Variants in TBC1D5 observed in about 807,000 individuals in gnomAD.
The protein encoded by TBC1D5 is TBC1 domain family member 5.
Under a neutral mutation model 100.3 loss-of-function variants are expected in TBC1D5, and 75 were observed. The ratio of observed to expected loss-of-function variants is 0.75; its 90% CI spans 0.62 to 0.91. TBC1D5 has a LOEUF of 0.91. Among genes scored for constraint, TBC1D5 ranks in the 40% least tolerant of loss-of-function variants. The probability of loss-of-function intolerance (pLI) is 0.00; values close to 1 mark genes in which losing one functional copy is unlikely to be tolerated. For synonymous variants in TBC1D5, 323 were observed against 325.6 expected (o/e 0.99, Z 0.09); for missense variants, 910 against 942.4 (o/e 0.97, Z 0.45).
chr3:17,367,851 A>G (rs1195087163), intron 13 of TBC1D5, among the ~76,000 whole-genome samples: 1 of 151,364 alleles, frequency 6.6e-6, no homozygotes, highest in Non-Finnish European at 1.5e-5. Flanking sequence ...AGAGCAAGAC[A>G]CCCTCTCAAA....
At chr3:17,302,274 G>C (rs529083804) in intron 14 of TBC1D5, among the ~76,000 whole-genome samples, 2 of 130,812 alleles carry the variant, frequency 1.5e-5, no homozygotes, top group South Asian at 2.3e-4. Flanking sequence ...GTCTTCACAC[G>C]GCTTTCTTCT....
At chr3:17,707,545 T>C (rs747002366) in intron 1 of TBC1D5, among the ~76,000 whole-genome samples, 4 of 152,106 alleles carry the variant, frequency 2.6e-5, no homozygotes, top group Non-Finnish European at 4.4e-5. Flanking sequence ...AATGTCAAAA[T>C]AGAAGAAATC....
intron 15 of TBC1D5, among the ~76,000 whole-genome samples, chr3:17,263,550 T>C (rs746964665): frequency 1.3e-5 from 2 of 152,164 alleles, no homozygotes; most frequent in Non-Finnish European, 2.9e-5. Context: ...CAAGTATCAC[T>C]CAACTCTTTT....
intron 1 of TBC1D5, among the ~76,000 whole-genome samples, chr3:17,726,241 G>A (rs2076120616): frequency 6.6e-6 from 1 of 152,192 alleles, no homozygotes; most frequent in African/African-American, 2.4e-5. Flanking sequence ...CAATAATGGG[G>A]TTGTAGGTCA....
intron 13 of TBC1D5, among the ~76,000 whole-genome samples, chr3:17,351,585 G>A (rs1685371708): frequency 6.6e-6 from 1 of 152,026 alleles, no homozygotes; most frequent in African/African-American, 2.4e-5. Context: ...TTCAGCGGGT[G>A]GGGAGCAAGG....
At chr3:17,692,796 A>C (rs1478983567) in intron 1 of TBC1D5, among the ~76,000 whole-genome samples, 1 of 152,204 alleles carries the variant, frequency 6.6e-6, no homozygotes, top group Non-Finnish European at 1.5e-5. Flanking sequence ...TTGAGTACCA[A>C]TGGTCTAAAA....
At chr3:17,233,825 T>A in intron 17 of TBC1D5, 75 bp from the exon 18 acceptor site, 1 of 869,516 alleles carries the variant, frequency 1.2e-6, no homozygotes, top group South Asian at 1.6e-5. Context: ...TTATACTGAA[T>A]GTTCTAATAC....
chr3:17,551,616 T>A (rs114256065), intron 2 of TBC1D5, among the ~76,000 whole-genome samples: 1,682 of 152,232 alleles, frequency 0.011, 22 homozygotes, highest in African/African-American at 0.038. Context: ...ATGCTCTTAG[T>A]GTAATCGCAG....
At chr3:17,706,251 T>C in intron 1 of TBC1D5, 1 of 1,548,754 alleles carries the variant, frequency 6.5e-7, no homozygotes, top group South Asian at 1.2e-5. Flanking sequence ...TTGATATTTG[T>C]ACTTCTTCAC....
At chr3:17,698,018 T>G (rs979749107) in intron 1 of TBC1D5, among the ~76,000 whole-genome samples, 15 of 151,576 alleles carry the variant, frequency 9.9e-5, no homozygotes, top group Middle Eastern at 3.4e-3. Context: ...CCAATGACTT[T>G]CTTCACAGAA....
At chr3:17,265,260 A>AG (rs5846955) in intron 15 of TBC1D5, among the ~76,000 whole-genome samples, 75,678 of 151,944 alleles carry the variant, frequency 0.5, 19,672 homozygotes, top group African/African-American at 0.64. Context: ...AAACTGACAA[A>AG]TTCTATAGCA....
At chr3:17,394,991 G>C (rs952898001) in intron 8 of TBC1D5, among the ~76,000 whole-genome samples, 3 of 151,996 alleles carry the variant, frequency 2.0e-5, no homozygotes, top group East Asian at 3.9e-4. Context: ...CAATGAGTAG[G>C]ACTCAGCCCA....
intron 16 of TBC1D5, among the ~76,000 whole-genome samples, chr3:17,241,677 G>T (rs1158507666): frequency 1.3e-5 from 2 of 152,188 alleles, no homozygotes; most frequent in East Asian, 3.8e-4. Context: ...ATTCTGACCT[G>T]AATTCACTGT....
intron 3 of TBC1D5, among the ~76,000 whole-genome samples, chr3:17,473,249 A>G (rs574166343): frequency 3.9e-5 from 6 of 152,332 alleles, no homozygotes; most frequent in South Asian, 4.1e-4. Context: ...TGTGTCTATT[A>G]TAAGTTTTTT....
At chr3:17,391,553 G>A (rs953425150) in intron 8 of TBC1D5, among the ~76,000 whole-genome samples, 1 of 151,218 alleles carries the variant, frequency 6.6e-6, no homozygotes, top group Non-Finnish European at 1.5e-5. Context: ...TGAAACTGGG[G>A]TGCTGTTTCA....
chr3:17,282,750 A>G (rs373252563), intron 15 of TBC1D5, among the ~76,000 whole-genome samples: 1 of 152,240 alleles, frequency 6.6e-6, no homozygotes, highest in East Asian at 1.9e-4. Flanking sequence ...TACACACAAT[A>G]AAGCTAAATA....
intron 2 of TBC1D5, among the ~76,000 whole-genome samples, chr3:17,609,754 C>T (rs754549537): frequency 2.2e-4 from 34 of 152,176 alleles, no homozygotes; most frequent in Non-Finnish European, 3.8e-4. Flanking sequence ...CCAAGAGACA[C>T]GTTGCCAGTT....
At chr3:17,626,414 G>C (rs1309954260) in intron 1 of TBC1D5, among the ~76,000 whole-genome samples, 1 of 152,172 alleles carries the variant, frequency 6.6e-6, no homozygotes, top group Non-Finnish European at 1.5e-5. Context: ...GTGGGCATTT[G>C]TAATGAACTG....
At chr3:17,168,809 A>G (rs1416841907) in intron 19 of TBC1D5, among the ~76,000 whole-genome samples, 4 of 152,194 alleles carry the variant, frequency 2.6e-5, no homozygotes, top group Admixed American at 2.6e-4. Context: ...ATGCCCACTT[A>G]CAATGTCTTC....
Sources: gnomAD v4.1 joint callset for allele counts (sites outside exome capture counted in the v4.1 genomes callset) on GRCh38, gnomAD v4.1.1 for gene constraint, MANE v1.5 for transcripts, NCBI Gene and HGNC (gene_info 2026-07-23, HGNC 2026-07-21) for gene names.